PWWP3A: variants seen among roughly 807,000 people sequenced by gnomAD.
PWWP3A encodes PWWP domain-containing DNA repair factor 3A.
In PWWP3A, 53 loss-of-function variants were observed where a neutral mutation model predicts 79.0. The observed-to-expected ratio is 0.67, with a 90% CI of 0.54 to 0.84. PWWP3A has a LOEUF of 0.84. PWWP3A is among the 40% of genes least tolerant of loss of function. The pLI, the probability that PWWP3A is intolerant of heterozygous loss-of-function variation, is 0.00. For synonymous variants in PWWP3A, 443 were observed against 394.4 expected (o/e 1.12, Z -1.46); for missense variants, 973 against 948.0 (o/e 1.03, Z -0.35).
chr19:1,372,976 C>A, intron 12 of PWWP3A, 96 bp from the exon 13 acceptor site: 1 of 986,020 alleles, frequency 1.0e-6, no homozygotes, highest in Non-Finnish European at 1.6e-6. Flanking sequence ...AGGCTGGAAC[C>A]TGGTGACCCA....
Position 1,360,223 on chromosome 19 carries a change from G to A in PWWP3A, c.302G>A (p.Gly101Asp). 1 of 1,613,824 alleles carries A rather than the reference G, an allele frequency of 6.2e-7. No homozygotes were observed. The highest frequency in any genetic ancestry group is 8.5e-7 in the Non-Finnish European group (1 of 1,179,878). The change falls in exon 5 of 14, where the codon GGC becomes GAC. Residue 101 changes from glycine (G) to aspartate (D), a missense_variant. Gly to Asp is a moderately conservative substitution (Grantham distance 94). Transcript: ENST00000591337. The surrounding 1 kb of genome is among the most constrained non-coding windows in gnomAD (Gnocchi z 4.4). ...GTGGCTCTGGACGTTCTGAGCGAGGGCTCGATTTGGAGTCAAGAAAGCTCT... is the reference window on the plus strand; with the variant it reads ...GTGGCTCTGGACGTTCTGAGCGAGGACTCGATTTGGAGTCAAGAAAGCTCT... ...LRVALDVLSEGSIWSQESSAG... is the reference protein window; with the variant it reads ...LRVALDVLSEDSIWSQESSAG...
At chr19:1,356,168 A>C in intron 1 of PWWP3A, 156 bp from the exon 2 acceptor site, 1 of 556,390 alleles carries the variant, frequency 1.8e-6, no homozygotes, top group Non-Finnish European at 3.2e-6. Flanking sequence ...TCTGTTTGTC[A>C]GTCTGCTTTT....
At position 1,360,430 on chromosome 19, in the gene PWWP3A, C is replaced by G. The variant is rs1471522771; in HGVS notation, c.509C>G (p.Pro170Arg). ...AGTTCGTTCACTTGTGAAAAGGACC[C>G]CGAGTGCAAAGTGGACCACAAGAAG... ...LSSSFTCEKDPECKVDHKKGL... is the reference protein window; with the variant it reads ...LSSSFTCEKDRECKVDHKKGL... The change falls in exon 5 of 14, where the codon CCC becomes CGC. Residue 170 changes from proline to arginine, a missense_variant. Physicochemically the swap from Pro to Arg is moderately radical, Grantham distance 103. Transcript: ENST00000591337. This position sits in a 1 kb window ranked among gnomAD's most constrained non-coding sequence, Gnocchi z 4.4. 3.1e-6 allele frequency: 5 copies of G among 1,614,086 alleles called. No individual in the cohort carries two copies. The highest frequency in any genetic ancestry group is 4.2e-6 in the Non-Finnish European group (5 of 1,180,026).
rs969131809 is a variant in PWWP3A, at chr19:1,360,170, A to T, written c.249A>T (p.Glu83Asp). 6.3e-7 allele frequency: 1 copy of T among 1,581,396 alleles called. No homozygotes were observed. The highest frequency in any genetic ancestry group is 2.2e-5 in the East Asian group (1 of 44,652). The change falls in exon 5 of 14, where the codon GAA becomes GAT. Residue 83 changes from glutamate (E) to aspartate (D), a missense_variant. Coordinates refer to ENST00000591337, the MANE Select transcript of PWWP3A (RefSeq NM_001369789.1). The surrounding 1 kb of genome is among the most constrained non-coding windows in gnomAD (Gnocchi z 4.4). Reference sequence around the variant, plus strand: ...ATGAGGTTCCTGCGGCACCCCTGGAAGAACTGGCCTACAGACGGTCGCTTC... The same window carrying T: ...ATGAGGTTCCTGCGGCACCCCTGGATGAACTGGCCTACAGACGGTCGCTTC... ...SQNEVPAAPL[E>D]ELAYRRSLRV...
Position 1,360,982 on chromosome 19 carries a change from C to T in PWWP3A, c.1061C>T (p.Ala354Val), listed in dbSNP as rs183898700. The part of the protein sequence containing the change: ...RLGPPPSHAS[A>V]DATRCLPCPD... ...GGCCCGCCTCCCTCCCACGCCTCTG[C>T]GGATGCAACCAGATGTCTTCCTTGC... The change falls in exon 5 of 14, where the codon GCG (alanine) becomes GTG (valine). Residue 354 changes from alanine (A) to valine (V), a missense_variant. Physicochemically the swap from Ala to Val is moderately conservative, Grantham distance 64 (BLOSUM62 0). Transcript: ENST00000591337. The surrounding 1 kb of genome is among the most constrained non-coding windows in gnomAD (Gnocchi z 4.4). 9.0e-3 allele frequency: 13,115 copies of T among 1,452,768 alleles called. 66 individuals carry two copies. Among genetic ancestry groups the T allele is most frequent in the Non-Finnish European group, 0.011 (12,018 of 1,102,012 alleles). The allele number at this position is 1,452,768 out of a possible 1,614,324, so 90.0% of individuals were successfully genotyped here.
At chr19:1,365,629 G>A (rs1410870444) in intron 7 of PWWP3A, among the ~76,000 whole-genome samples, 1 of 152,236 alleles carries the variant, frequency 6.6e-6, no homozygotes, top group Non-Finnish European at 1.5e-5. Flanking sequence ...GGAGATGGAG[G>A]CCGGGCTTCT....
intron 4 of PWWP3A, 193 bp downstream of exon 4, chr19:1,358,657 G>T (rs530915115): frequency 1.3e-6 from 2 of 1,531,698 alleles, no homozygotes; most frequent in African/African-American, 2.7e-5. Flanking sequence ...TCCAGAATTT[G>T]CCCCTAGAAC....
intron 11 of PWWP3A, 146 bp from the exon 12 acceptor site, chr19:1,370,496 T>G: frequency 1.5e-6 from 1 of 672,802 alleles, no homozygotes; most frequent in South Asian, 3.4e-5. Context: ...GGAGCGTGAA[T>G]GCTCCACTCC....
intron 8 of PWWP3A, among the ~76,000 whole-genome samples, chr19:1,366,790 G>A (rs1392906085): frequency 2.0e-5 from 3 of 152,266 alleles, no homozygotes; most frequent in Non-Finnish European, 4.4e-5. Flanking sequence ...GAAAGCACAC[G>A]TGGATGGATC....
In PWWP3A at chr19:1,370,792, C is replaced by T; in HGVS notation, c.1700C>T (p.Ala567Val). 1 of 1,554,148 alleles carries T rather than the reference C, an allele frequency of 6.4e-7. No individual in the cohort carries two copies. Residue 567 changes from alanine (A) to valine (V), a missense_variant, in exon 12 of 14, where the codon GCC becomes GTC. Transcript: ENST00000591337. ...RKMLPDRSRA[A>V]RDRANQKLVE... is the part of the protein sequence containing the mutation. ...ATGCTCCCCGACCGCTCGCGGGCCG[C>T]CCGGGACCGGGCCAACCAGAAGCTG...
chr19:1,358,833 G>A (rs1568928069), intron 4 of PWWP3A: 21 of 513,980 alleles, frequency 4.1e-5, no homozygotes, highest in South Asian at 7.7e-5. Flanking sequence ...TGGTACTGTC[G>A]CTGCCTGGCC....
chr19:1,362,116 G>T, intron 5 of PWWP3A, 134 bp from the exon 6 acceptor site: 34 of 521,032 alleles, frequency 6.5e-5, no homozygotes, highest in Non-Finnish European at 7.5e-5. Flanking sequence ...GTTTGAATTT[G>T]GCAGTGTGGA....
chr19:1,365,776 C>T (rs2082114973), intron 7 of PWWP3A, among the ~76,000 whole-genome samples: 2 of 152,230 alleles, frequency 1.3e-5, no homozygotes, highest in African/African-American at 2.4e-5. Context: ...TAAGAGCAGG[C>T]AGCCTCCCTG....
At chr19:1,356,174 C>G in intron 1 of PWWP3A, 150 bp from the exon 2 acceptor site, 6 of 547,740 alleles carry the variant, frequency 1.1e-5, no homozygotes, top group Non-Finnish European at 1.6e-5. Flanking sequence ...TGTCAGTCTG[C>G]TTTTTGGCAT....
chr19:1,372,260 C>T (rs754810633), intron 12 of PWWP3A: 11 of 152,320 alleles, frequency 7.2e-5, no homozygotes, highest in Admixed American at 3.9e-4. Context: ...GGACGCTGCT[C>T]AGCACCCTGC....
chr19:1,364,118 C>T, intron 6 of PWWP3A: 1 of 522,580 alleles, frequency 1.9e-6, no homozygotes, highest in Non-Finnish European at 3.8e-6. Context: ...CGTGCCATTA[C>T]CTCACCTCTG....
At chr19:1,359,104 G>T in intron 4 of PWWP3A, 1 of 215,744 alleles carries the variant, frequency 4.6e-6, no homozygotes, top group Non-Finnish European at 9.7e-6. Context: ...CCTGAGTCCA[G>T]CCGGGGACTG....
rs373025540 is a variant in PWWP3A at position 1,358,417 on chromosome 19, T to A, written c.167T>A (p.Val56Asp). The change falls in exon 4 of 14, where the codon GTT becomes GAT. Residue 56 changes from valine to aspartate, a missense_variant. Transcript: ENST00000591337. ...EEKIKVKSTE[V>D]EILEKSQIEA... ...AGAATTAAGGTGAAAAGCACTGAAGTTGAGATCCTAGAGAAGTCTCAAATT... is the reference window on the plus strand; with the variant it reads ...AGAATTAAGGTGAAAAGCACTGAAGATGAGATCCTAGAGAAGTCTCAAATT... 1.2e-6 allele frequency: 2 copies of A among 1,614,112 alleles called. No homozygotes were observed. Among genetic ancestry groups the A allele is most frequent in the Non-Finnish European group, 8.5e-7 (1 of 1,179,998 alleles).
At chr19:1,375,543 T>C (rs1383537449) in intron 13 of PWWP3A, among the ~76,000 whole-genome samples, 1 of 3,010 alleles carries the variant, frequency 3.3e-4, no homozygotes, top group African/African-American at 1.8e-3. Context: ...ATATTTTATA[T>C]ATAAAATATA....
Sources: allele counts gnomAD v4.1 joint callset (sites outside exome capture counted in the v4.1 genomes callset), GRCh38; gene constraint gnomAD v4.1.1; non-coding constraint Gnocchi (gnomAD v3.1); transcripts MANE v1.5; gene names NCBI Gene and HGNC (gene_info 2026-07-23, HGNC 2026-07-21).